The following CFAP20DC variants were observed in gnomAD, a reference collection of about 807,000 sequenced individuals.
CFAP20DC encodes the protein protein CFAP20DC.
A neutral mutation model predicts 101.7 loss-of-function variants in CFAP20DC; 84 were observed. The observed-to-expected ratio is 0.83, with a 90% CI of 0.69 to 0.99. The LOEUF (loss-of-function observed/expected upper bound fraction) is 0.99, where lower values mean the gene tolerates loss of function less well. Among genes scored for constraint, CFAP20DC ranks in the 50% least tolerant of loss-of-function variants. The pLI, the probability that CFAP20DC is intolerant of heterozygous loss-of-function variation, is 0.00. For missense variants in CFAP20DC, 1,007 were observed against 970.3 expected (o/e 1.04, Z -0.50); for synonymous variants, 359 against 351.2 (o/e 1.02, Z -0.25).
rs908600363 is a variant in CFAP20DC at position 58,911,632 on chromosome 3, A to G, written c.550+2076T>C. On this transcript the variant is annotated intron_variant, in intron 6 of 16. Coordinates refer to ENST00000482387, the MANE Select transcript of CFAP20DC (RefSeq NM_001394063.1). ...ATAGTAACACTTATAATACACCTCA[A>G]TTAAATGTTTATTGAAGTAAAATAA... is the stretch of plus-strand genomic sequence containing the variant. Among the ~76,000 whole-genome samples, 6 of 152,274 alleles carry G rather than the reference A, an allele frequency of 3.9e-5. No individual in the cohort carries two copies. The South Asian group carries it at 8.3e-4, about 21-fold the overall frequency.
chr3:58,970,343 T>C (rs2091878784), intron 4 of CFAP20DC: 1 of 152,172 alleles, frequency 6.6e-6, no homozygotes. Context: ...CAATGACTGG[T>C]GTCTTTATAA....
intron 7 of CFAP20DC, among the ~76,000 whole-genome samples, chr3:58,870,869 T>C (rs2108528024): frequency 9.5e-6 from 1 of 105,164 alleles, no homozygotes; most frequent in South Asian, 3.5e-4. Context: ...CAGTCCGGCC[T>C]GGGCGACAGA....
chr3:58,849,079 G>C lies in CFAP20DC; in HGVS notation c.1924C>G (p.Leu642Val). 2 of 1,536,062 alleles carry C rather than the reference G, an allele frequency of 1.3e-6. No individual in the cohort carries two copies. The highest frequency in any genetic ancestry group is 1.7e-6 in the Non-Finnish European group (2 of 1,146,898). The change falls in exon 13 of 17, where the codon CTG (leucine) becomes GTG (valine). Residue 642 changes from leucine to valine, a missense_variant. Transcript: ENST00000482387. ...QVPASLNKTSLKEISGERLSS... is the reference protein window; with the variant it reads ...QVPASLNKTSVKEISGERLSS... ...AGCCTTTCCCCTGAGATTTCTTTCA[G>C]GGAGGTTTTGTTTAGTGAAGCTGGC...
At chr3:59,042,564 A>G (rs1699493778) in intron 3 of CFAP20DC, among the ~76,000 whole-genome samples, 1 of 152,088 alleles carries the variant, frequency 6.6e-6, no homozygotes, top group South Asian at 2.1e-4. Context: ...AAAAAGAGTA[A>G]TAGGAAATAG....
At chr3:59,043,411 G>A (rs1475880255) in intron 3 of CFAP20DC, among the ~76,000 whole-genome samples, 1 of 152,000 alleles carries the variant, frequency 6.6e-6, no homozygotes, top group African/African-American at 2.4e-5. Context: ...TAAGATGAGG[G>A]CTGAGAACTG....
rs371699081 is a variant in CFAP20DC at position 58,967,386 on chromosome 3, A to C, written c.279-29624T>G. Among the ~76,000 whole-genome samples, 8 of 152,224 alleles carry C rather than the reference A, an allele frequency of 5.3e-5. No homozygotes were observed. In the East Asian group the frequency reaches 1.2e-3, roughly 22 times the overall value. ...AACTCAAAATGGATCAAAGGCCTAC[A>C]TTTAAGAGCTAAAACTATACATCTC... On this transcript the variant is annotated intron_variant, in intron 4 of 16. Coordinates refer to ENST00000482387, the MANE Select transcript of CFAP20DC (RefSeq NM_001394063.1).
chr3:58,864,107 C>T lies in CFAP20DC; in HGVS notation c.1259-215G>A, dbSNP rs560489095. Among the ~76,000 whole-genome samples the T allele has an allele frequency of 2.0e-5, 3 of 152,124 alleles. No individual in the cohort carries two copies. Among genetic ancestry groups the T allele is most frequent in the East Asian group, 3.9e-4 (2 of 5,160 alleles). On this transcript the variant is annotated intron_variant, in intron 11 of 16. Transcript: ENST00000482387. This position sits in a 1 kb window ranked among gnomAD's most constrained non-coding sequence, Gnocchi z 4.7. ...CTGAGTAGGTGGGATTACAGGTGCA[C>T]GCCATCATGCCCGGCTAATTTTTGT...
chr3:58,896,034 G>A (rs2082645867), intron 6 of CFAP20DC, among the ~76,000 whole-genome samples: 1 of 152,104 alleles, frequency 6.6e-6, no homozygotes, highest in Non-Finnish European at 1.5e-5. Context: ...ATCTGGGTGG[G>A]GACACAGCCA....
rs2080527980 is a variant in CFAP20DC at position 58,874,123 on chromosome 3, CA to C, written c.716-3815del. 6.6e-6 allele frequency among the ~76,000 whole-genome samples: 1 copy of C among 152,248 alleles called. No individual in the cohort carries two copies. Among genetic ancestry groups the C allele is most frequent in the South Asian group, 2.1e-4 (1 of 4,832 alleles). On this transcript the variant is annotated intron_variant, in intron 7 of 16. Transcript: ENST00000482387. The surrounding 1 kb of genome is among the most constrained non-coding windows in gnomAD (Gnocchi z 5.1). ...AGTAGCCTCTTTACCAGCTCCTCTT[CA>C]GTGTCTGAAAGGCACTTCAAACTGG...
At chr3:58,949,104 T>C (rs1413012678) in intron 4 of CFAP20DC, among the ~76,000 whole-genome samples, 1 of 152,204 alleles carries the variant, frequency 6.6e-6, no homozygotes, top group Non-Finnish European at 1.5e-5. Flanking sequence ...TCTCTGATGG[T>C]AGTTTGTATT....
At chr3:58,931,840 G>A (rs955250242) in intron 5 of CFAP20DC, among the ~76,000 whole-genome samples, 15 of 152,178 alleles carry the variant, frequency 9.9e-5, no homozygotes, top group Admixed American at 3.9e-4. Context: ...AGAGCACAAA[G>A]ACTGGAAACT....
intron 13 of CFAP20DC, among the ~76,000 whole-genome samples, chr3:58,835,483 T>C (rs190933053): frequency 1.3e-5 from 2 of 152,306 alleles, no homozygotes; most frequent in African/African-American, 4.8e-5. Context: ...ACTGCAGTAA[T>C]AGAAATAGAT....
intron 4 of CFAP20DC, among the ~76,000 whole-genome samples, chr3:58,943,100 A>T (rs1303735272): frequency 6.6e-6 from 1 of 152,214 alleles, no homozygotes; most frequent in Non-Finnish European, 1.5e-5. Flanking sequence ...TAAAATTCCC[A>T]TCTCTTTGGG....
At chr3:58,886,617 T>C (rs1576137137) in intron 6 of CFAP20DC, among the ~76,000 whole-genome samples, 1 of 149,256 alleles carries the variant, frequency 6.7e-6, no homozygotes, top group Middle Eastern at 3.2e-3. Context: ...GAAGCTGAGG[T>C]GAGAGAATCA....
At chr3:58,819,408 G>C (rs546299688) in intron 14 of CFAP20DC, among the ~76,000 whole-genome samples, 1,659 of 149,684 alleles carry the variant, frequency 0.011, 24 homozygotes, top group African/African-American at 0.039. Flanking sequence ...GACTAATAAA[G>C]AAAAAAAGAG....
intron 6 of CFAP20DC, among the ~76,000 whole-genome samples, chr3:58,891,938 G>C (rs1170232861): frequency 6.6e-6 from 1 of 152,156 alleles, no homozygotes; most frequent in Admixed American, 6.5e-5. Flanking sequence ...TGAATACCCA[G>C]ATTTTCTTCT....
intron 3 of CFAP20DC, among the ~76,000 whole-genome samples, chr3:58,725,366 C>T (rs567209558): frequency 1.3e-5 from 2 of 152,234 alleles, no homozygotes; most frequent in East Asian, 1.9e-4. Context: ...TCTGGGTTGC[C>T]GGTTGTTGTG....
Position 58,729,211 on chromosome 3 carries a change from T to A in CFAP20DC, c.198-11583A>T, listed in dbSNP as rs893254989. 6.6e-6 allele frequency among the ~76,000 whole-genome samples: 1 copy of A among 152,234 alleles called. No individual in the cohort carries two copies. Among genetic ancestry groups the A allele is most frequent in the African/African-American group, 2.4e-5 (1 of 41,464 alleles). ...TTTAAGCAACTAAGTTTTAGGGTAA[T>A]GTGTTATGCAGCAATAGACAACTAA... On this transcript the variant is annotated intron_variant, in intron 3 of 3. Transcript: ENST00000486145. This position sits in a 1 kb window ranked among gnomAD's most constrained non-coding sequence, Gnocchi z 4.4.
At chr3:58,943,561 T>C (rs1196054243) in intron 4 of CFAP20DC, among the ~76,000 whole-genome samples, 1 of 151,864 alleles carries the variant, frequency 6.6e-6, no homozygotes, top group Non-Finnish European at 1.5e-5. Context: ...AAAAACCCCA[T>C]CCAAAGGTCA....
Sources: allele counts gnomAD v4.1 joint callset (sites outside exome capture counted in the v4.1 genomes callset), GRCh38; gene constraint gnomAD v4.1.1; non-coding constraint Gnocchi (gnomAD v3.1); transcripts MANE v1.5; gene names NCBI Gene and HGNC (gene_info 2026-07-23, HGNC 2026-07-21).